Variants in RSRC1 observed in about 807,000 individuals in gnomAD.
The protein encoded by RSRC1 is arginine and serine rich coiled-coil 1.
In RSRC1, 39 loss-of-function variants were observed where a neutral mutation model predicts 49.1. The ratio of observed to expected loss-of-function variants is 0.79; its 90% CI spans 0.61 to 1.04. RSRC1 has a LOEUF of 1.04. Ranked by LOEUF, RSRC1 falls within the 50% of genes least tolerant of loss-of-function variation. RSRC1 has a pLI of 0.00. For missense variants in RSRC1, 388 were observed against 402.4 expected (o/e 0.96, Z 0.31); for synonymous variants, 143 against 130.8 (o/e 1.09, Z -0.63).
chr3:158,141,281 G>A (rs1341288267), intron 3 of RSRC1, among the ~76,000 whole-genome samples: 1 of 152,098 alleles, frequency 6.6e-6, no homozygotes, highest in Non-Finnish European at 1.5e-5. Context: ...CTGGTTGCTG[G>A]TTGATTCTTA....
chr3:158,216,851 T>C (rs1287394709), intron 4 of RSRC1, among the ~76,000 whole-genome samples: 1 of 151,738 alleles, frequency 6.6e-6, no homozygotes, highest in Non-Finnish European at 1.5e-5. Flanking sequence ...TTAAAACCTG[T>C]TCCTCTGATG....
intron 5 of RSRC1, among the ~76,000 whole-genome samples, chr3:158,346,935 A>C (rs1195085172): frequency 6.6e-6 from 1 of 152,242 alleles, no homozygotes; most frequent in African/African-American, 2.4e-5. Flanking sequence ...CAGCAATAAA[A>C]CAGAATGAAT....
intron 6 of RSRC1, among the ~76,000 whole-genome samples, chr3:158,404,208 C>T (rs1476973456): frequency 6.6e-6 from 1 of 151,760 alleles, no homozygotes; most frequent in Non-Finnish European, 1.5e-5. Context: ...GAAATGGGAC[C>T]TTGAGTATCT....
intron 7 of RSRC1, among the ~76,000 whole-genome samples, chr3:158,504,101 C>A (rs1018362493): frequency 1.3e-5 from 2 of 152,180 alleles, no homozygotes; most frequent in African/African-American, 2.4e-5. Context: ...ATTGACTCAG[C>A]TCCAGGTGAG....
intron 4 of RSRC1, among the ~76,000 whole-genome samples, chr3:158,293,128 A>G (rs1028312578): frequency 5.3e-5 from 8 of 152,140 alleles, no homozygotes; most frequent in Non-Finnish European, 1.2e-4. Context: ...AGGTGTCCCA[A>G]TGTGATATGT....
At chr3:158,529,182 T>C (rs1167258532) in intron 7 of RSRC1, among the ~76,000 whole-genome samples, 2 of 142,668 alleles carry the variant, frequency 1.4e-5, no homozygotes, top group African/African-American at 5.3e-5. Flanking sequence ...ATATAAAATA[T>C]ATATATTTTA....
At chr3:158,225,127 A>T (rs1053083770) in intron 4 of RSRC1, among the ~76,000 whole-genome samples, 1 of 151,808 alleles carries the variant, frequency 6.6e-6, no homozygotes, top group African/African-American at 2.4e-5. Context: ...TTTTTTACAG[A>T]TCATCATGGT....
chr3:158,310,779 A>G (rs574654509), intron 5 of RSRC1, among the ~76,000 whole-genome samples: 91 of 151,988 alleles, frequency 6.0e-4, no homozygotes, highest in African/African-American at 2.0e-3. Flanking sequence ...ATTTTGAAGT[A>G]TCTTAAAAGG....
chr3:158,258,720 G>T (rs1330843144), intron 4 of RSRC1, among the ~76,000 whole-genome samples: 1 of 152,040 alleles, frequency 6.6e-6, no homozygotes, highest in Non-Finnish European at 1.5e-5. Flanking sequence ...TCTTGTAGGT[G>T]TGCTTCATGT....
At chr3:158,398,890 T>A (rs1486490756) in intron 6 of RSRC1, among the ~76,000 whole-genome samples, 1 of 152,068 alleles carries the variant, frequency 6.6e-6, no homozygotes, top group Non-Finnish European at 1.5e-5. Context: ...GGTATATTGT[T>A]GGTTGAAAAT....
At chr3:158,197,623 G>A (rs1007482943) in intron 3 of RSRC1, among the ~76,000 whole-genome samples, 2 of 151,812 alleles carry the variant, frequency 1.3e-5, no homozygotes, top group Non-Finnish European at 2.9e-5. Flanking sequence ...TCTCTTGTGG[G>A]CATTTAGTAC....
chr3:158,255,811 T>C (rs2108023050), intron 4 of RSRC1, among the ~76,000 whole-genome samples: 1 of 152,358 alleles, frequency 6.6e-6, no homozygotes, highest in East Asian at 1.9e-4. Flanking sequence ...TTACTCTCTT[T>C]GTAGCAATTG....
intron 4 of RSRC1, among the ~76,000 whole-genome samples, chr3:158,265,370 C>A (rs554259312): frequency 6.6e-6 from 1 of 152,228 alleles, no homozygotes; most frequent in South Asian, 2.1e-4. Context: ...GTGGCTCATG[C>A]CTGTAATCCC....
At chr3:158,487,974 A>AAAAAAAAAAAAAAAAAAGG (rs71144458) in intron 7 of RSRC1, among the ~76,000 whole-genome samples, 1 of 148,838 alleles carries the variant, frequency 6.7e-6, no homozygotes, top group Non-Finnish European at 1.5e-5. Context: ...AAAAAAAAAA[A>AAAAAAAAAAAAAAAAAAGG]CTGGCTGAAT....
intron 7 of RSRC1, among the ~76,000 whole-genome samples, chr3:158,502,133 G>T (rs1348103156): frequency 6.6e-6 from 1 of 152,068 alleles, no homozygotes; most frequent in Admixed American, 6.6e-5. Flanking sequence ...GCTTAGTTTT[G>T]CTAGATACAA....
chr3:158,264,531 G>A (rs1249883315), intron 4 of RSRC1, among the ~76,000 whole-genome samples: 1 of 152,194 alleles, frequency 6.6e-6, no homozygotes, highest in Non-Finnish European at 1.5e-5. Flanking sequence ...CACGCAGGTT[G>A]ATGGTGAAGT....
intron 7 of RSRC1, among the ~76,000 whole-genome samples, chr3:158,466,874 C>A (rs1255488041): frequency 6.6e-6 from 1 of 152,032 alleles, no homozygotes; most frequent in Non-Finnish European, 1.5e-5. Context: ...CTAGCCTGGG[C>A]AATATAGTGA....
At chr3:158,528,305 A>T (rs528437611) in intron 7 of RSRC1, among the ~76,000 whole-genome samples, 5 of 152,098 alleles carry the variant, frequency 3.3e-5, no homozygotes, top group African/African-American at 1.2e-4. Context: ...GGTGGTTATG[A>T]TGAAAGTTTG....
At chr3:158,173,663 T>A (rs1447821145) in intron 3 of RSRC1, among the ~76,000 whole-genome samples, 1 of 151,998 alleles carries the variant, frequency 6.6e-6, no homozygotes, top group Non-Finnish European at 1.5e-5. Context: ...TGCACATGAA[T>A]GTTCTCAGCA....
Sources: gnomAD v4.1 joint callset for allele counts (sites outside exome capture counted in the v4.1 genomes callset) on GRCh38, gnomAD v4.1.1 for gene constraint, MANE v1.5 for transcripts, NCBI Gene and HGNC (gene_info 2026-07-23, HGNC 2026-07-21) for gene names.